The following SOX5 variants were observed in gnomAD, a reference collection of about 807,000 sequenced individuals.
SOX5 encodes SRY-box transcription factor 5.
A neutral mutation model predicts 92.0 loss-of-function variants in SOX5; 9 were observed. The ratio of observed to expected loss-of-function variants is 0.10; its 90% CI spans 0.06 to 0.17. The LOEUF is 0.17. SOX5 is among the 10% of genes least tolerant of loss of function. SOX5 has a pLI of 1.00. For missense variants in SOX5, 642 were observed against 944.5 expected (o/e 0.68, Z 4.20); for synonymous variants, 344 against 336.3 (o/e 1.02, Z -0.25).
chr12:24,013,525 A>G (rs1344997435), intron 4 of SOX5, among the ~76,000 whole-genome samples: 1 of 152,174 alleles, frequency 6.6e-6, no homozygotes, highest in East Asian at 1.9e-4. Flanking sequence ...AAGCTTCAAA[A>G]AGAAGCTCTA....
intron 4 of SOX5, among the ~76,000 whole-genome samples, chr12:24,017,655 A>C (rs1199357399): frequency 6.6e-6 from 1 of 152,076 alleles, no homozygotes; most frequent in African/African-American, 2.4e-5. Flanking sequence ...AAAAGAAAAG[A>C]AAAGAATGCA....
rs1318594913 is a variant in SOX5, at chr12:23,918,854, T to G, written c.39-22830A>C. 2.0e-5 allele frequency among the ~76,000 whole-genome samples: 3 copies of G among 151,082 alleles called. No homozygotes were observed. The East Asian group carries it at 5.8e-4, about 29-fold the overall frequency. Reference sequence around the variant, plus strand: ...ATCACTGGAACCCGGGAGGTGGAGGTTGCAGTGAGCCAAGATCGTGCCACT... The same window carrying G: ...ATCACTGGAACCCGGGAGGTGGAGGGTGCAGTGAGCCAAGATCGTGCCACT... On this transcript the variant is annotated intron_variant, in intron 1 of 14. Coordinates refer to ENST00000451604, the MANE Select transcript of SOX5 (RefSeq NM_006940.6).
At chr12:24,048,542 G>A (rs1464584963) in intron 4 of SOX5, among the ~76,000 whole-genome samples, 2 of 151,992 alleles carry the variant, frequency 1.3e-5, no homozygotes, top group African/African-American at 4.8e-5. Flanking sequence ...GTACATAAAT[G>A]TTCATAACCA....
intron 6 of SOX5, among the ~76,000 whole-genome samples, chr12:23,687,453 G>A (rs1040553293): frequency 9.9e-5 from 15 of 151,978 alleles, no homozygotes; most frequent in South Asian, 4.2e-4. Flanking sequence ...AGCACTTTTC[G>A]GATAAGCTGA....
chr12:23,596,295 T>C (rs1408012432), intron 9 of SOX5, among the ~76,000 whole-genome samples: 2 of 152,194 alleles, frequency 1.3e-5, no homozygotes, highest in Non-Finnish European at 2.9e-5. Flanking sequence ...TTTTCTCTAG[T>C]GGAAAATCTA....
At chr12:23,534,797 C>G (rs998508067) in intron 14 of SOX5, among the ~76,000 whole-genome samples, 1 of 151,660 alleles carries the variant, frequency 6.6e-6, no homozygotes, top group Non-Finnish European at 1.5e-5. Context: ...GCAACCTCCC[C>G]CTCCAGGGTT....
At chr12:23,594,222 A>G (rs958126242) in intron 9 of SOX5, among the ~76,000 whole-genome samples, 2 of 151,814 alleles carry the variant, frequency 1.3e-5, no homozygotes, top group African/African-American at 4.8e-5. Flanking sequence ...CAAAACAGGA[A>G]GTATTCTGCG....
intron 1 of SOX5, among the ~76,000 whole-genome samples, chr12:24,521,846 A>C (rs1362532696): frequency 1.3e-5 from 2 of 152,150 alleles, no homozygotes; most frequent in African/African-American, 2.4e-5. Flanking sequence ...CAAGTGCCTA[A>C]ATTAAAAAAG....
At chr12:24,171,382 C>A (rs1305876298) in intron 4 of SOX5, among the ~76,000 whole-genome samples, 1 of 151,636 alleles carries the variant, frequency 6.6e-6, no homozygotes. Context: ...TGCCACCGCA[C>A]CCGGCTAATT....
rs537427811 is a variant in SOX5 at position 24,109,947 on chromosome 12, C to T, written c.-2+103396G>A. 4.6e-5 allele frequency among the ~76,000 whole-genome samples: 7 copies of T among 152,220 alleles called. 1 individual carries two copies. The East Asian group carries it at 9.6e-4, about 21-fold the overall frequency. On this transcript the variant is annotated intron_variant, in intron 4 of 4. Transcript: ENST00000446891. ...GCCATAGCCATTAAATTTACTTTAA[C>T]GCTAATTTCATTAAAATTTTTTCTG...
chr12:23,762,490 G>T (rs985866049), intron 3 of SOX5: 6 of 432,322 alleles, frequency 1.4e-5, no homozygotes, highest in Non-Finnish European at 2.0e-5. Flanking sequence ...ATTTAGATAA[G>T]CTTTATTTTT....
intron 4 of SOX5, among the ~76,000 whole-genome samples, chr12:24,204,928 G>T (rs966243948): frequency 6.6e-6 from 1 of 151,972 alleles, no homozygotes; most frequent in Non-Finnish European, 1.5e-5. Context: ...TTAAGGAAAA[G>T]GTTTACATAA....
At chr12:23,795,746 T>C (rs2095551275) in intron 3 of SOX5, among the ~76,000 whole-genome samples, 1 of 152,154 alleles carries the variant, frequency 6.6e-6, no homozygotes, top group South Asian at 2.1e-4. Context: ...TGCTATACAA[T>C]GAAGCTACAG....
At chr12:23,982,672 C>A (rs891012350) in intron 4 of SOX5, among the ~76,000 whole-genome samples, 1 of 151,404 alleles carries the variant, frequency 6.6e-6, no homozygotes, top group Non-Finnish European at 1.5e-5. Flanking sequence ...ATACACAAAT[C>A]ACATATATAT....
At chr12:23,666,228 T>C (rs913784116) in intron 6 of SOX5, among the ~76,000 whole-genome samples, 1 of 152,128 alleles carries the variant, frequency 6.6e-6, no homozygotes. Context: ...ACAGATTCCC[T>C]GTACAACATT....
chr12:24,262,392 A>G (rs759619359), intron 3 of SOX5, among the ~76,000 whole-genome samples: 2 of 152,242 alleles, frequency 1.3e-5, no homozygotes, highest in Non-Finnish European at 2.9e-5. Context: ...CCTCCAAAGA[A>G]TCACATATCC....
intron 4 of SOX5, among the ~76,000 whole-genome samples, chr12:24,167,808 A>G (rs1178517362): frequency 6.6e-6 from 1 of 152,194 alleles, no homozygotes; most frequent in Non-Finnish European, 1.5e-5. Context: ...CTTTACTTAT[A>G]TACATCCCCT....
At chr12:23,830,539 AG>A (rs2096299429) in intron 3 of SOX5, among the ~76,000 whole-genome samples, 1 of 152,196 alleles carries the variant, frequency 6.6e-6, no homozygotes, top group Non-Finnish European at 1.5e-5. Context: ...CTTTGTCAAA[AG>A]GACAGTGAGT....
At chr12:23,762,225 A>G (rs1386781083) in intron 3 of SOX5, among the ~76,000 whole-genome samples, 1 of 152,098 alleles carries the variant, frequency 6.6e-6, no homozygotes, top group Non-Finnish European at 1.5e-5. Flanking sequence ...TGGACATACC[A>G]AGTTCTTCTA....
Sources: allele counts gnomAD v4.1 joint callset (sites outside exome capture counted in the v4.1 genomes callset), GRCh38; gene constraint gnomAD v4.1.1; transcripts MANE v1.5; gene names NCBI Gene and HGNC (gene_info 2026-07-23, HGNC 2026-07-21).